DCDC1: variants seen among roughly 807,000 people sequenced by gnomAD.
DCDC1 encodes doublecortin domain containing 1, also known as doublecortin domain-containing protein 1.
A neutral mutation model predicts 178.3 loss-of-function variants in DCDC1; 200 were observed. That is an observed-to-expected ratio of 1.12 (90% CI 1.00 to 1.26). DCDC1 has a LOEUF of 1.26. Ranked by LOEUF, DCDC1 falls within the 50% of genes most tolerant of loss-of-function variation. The probability of loss-of-function intolerance (pLI) is 0.00; values close to 1 mark genes in which losing one functional copy is unlikely to be tolerated. For missense variants in DCDC1, 1,983 were observed against 1,749.2 expected, an observed-to-expected ratio of 1.13 and a Z score of -2.38; for synonymous variants, 690 against 604.8, an observed-to-expected ratio of 1.14 and a Z score of -2.07.
chr11:31,264,813 C>T (rs888319762), intron 8 of DCDC1, among the ~76,000 whole-genome samples: 1 of 152,132 alleles, frequency 6.6e-6, no homozygotes, highest in African/African-American at 2.4e-5. Context: ...CCAACTTGTA[C>T]CAGTTTGCTA....
intron 9 of DCDC1, among the ~76,000 whole-genome samples, chr11:31,160,764 C>T (rs894237942): frequency 2.0e-5 from 3 of 152,138 alleles, no homozygotes; most frequent in South Asian, 2.1e-4. Flanking sequence ...ACAAATATTG[C>T]TGTGAAACAT....
In DCDC1 at chr11:31,058,984, A is replaced by G. The variant is rs545125521; in HGVS notation, c.2591+5485T>C. Among the ~76,000 whole-genome samples the G allele has an allele frequency of 2.6e-5, 4 of 152,236 alleles. No homozygotes were observed. In the East Asian group the frequency reaches 7.7e-4, roughly 29 times the overall value. ...GGGGGCTGCAAGTTTGAAGAAGGTA[A>G]GAGTAGAGCATCGCATTCATGCCTT... On this transcript the variant is annotated intron_variant, in intron 20 of 38. Transcript: ENST00000684477.
intron 8 of DCDC1, among the ~76,000 whole-genome samples, chr11:31,258,919 G>A (rs760333642): frequency 3.3e-5 from 5 of 152,114 alleles, no homozygotes; most frequent in Non-Finnish European, 7.4e-5. Context: ...TAAAAGCACT[G>A]ACTCAGAAAA....
chr11:31,298,252 C>T (rs1480851513), intron 6 of DCDC1, among the ~76,000 whole-genome samples: 1 of 152,148 alleles, frequency 6.6e-6, no homozygotes, highest in African/African-American at 2.4e-5. Flanking sequence ...CTCTGCCCTC[C>T]ACAACCAACT....
At chr11:31,133,190 A>G (rs892445717) in intron 10 of DCDC1, among the ~76,000 whole-genome samples, 7 of 152,202 alleles carry the variant, frequency 4.6e-5, no homozygotes, top group Non-Finnish European at 8.8e-5. Context: ...TGGTTTTTCT[A>G]GTGATGAGTT....
intron 29 of DCDC1, 114 bp downstream of exon 29, chr11:30,908,832 G>T: frequency 3.6e-6 from 3 of 829,790 alleles, no homozygotes; most frequent in Non-Finnish European, 3.4e-6. Context: ...TCAAAAATCA[G>T]CATTCAACTT....
At position 31,250,883 on chromosome 11, in the gene DCDC1, T is replaced by C. The variant is rs527500491; in HGVS notation, c.1055-9267A>G. Among the ~76,000 whole-genome samples, 18 of 152,004 alleles carry C rather than the reference T, an allele frequency of 1.2e-4. No individual in the cohort carries two copies. In the South Asian group the frequency reaches 3.1e-3, roughly 26 times the overall value. ...GATTCTCCTGCCTCAGCCTCCCAAG[T>C]AGCTGGGATTACAGGTGCGTGTCAC... On this transcript the variant is annotated intron_variant, in intron 8 of 38. Transcript: ENST00000684477.
At chr11:31,188,920 C>A (rs752692083) in intron 9 of DCDC1, among the ~76,000 whole-genome samples, 10 of 152,076 alleles carry the variant, frequency 6.6e-5, no homozygotes, top group Non-Finnish European at 1.5e-4. Flanking sequence ...GAGGGCTTTA[C>A]CCTCATGAAT....
intron 24 of DCDC1, 150 bp from the exon 25 acceptor site, chr11:30,921,085 T>C (rs1404149434): frequency 1.3e-6 from 1 of 794,778 alleles, no homozygotes. Flanking sequence ...TGAATTTAAT[T>C]TTAATTTTTA....
intron 8 of DCDC1, among the ~76,000 whole-genome samples, chr11:31,248,710 G>A (rs535596352): frequency 1.1e-4 from 16 of 151,964 alleles, no homozygotes; most frequent in Non-Finnish European, 1.9e-4. Flanking sequence ...AGCCCTAATC[G>A]TTTCAGCAAT....
chr11:31,096,258 G>C (rs1958145111), intron 15 of DCDC1, among the ~76,000 whole-genome samples: 1 of 152,142 alleles, frequency 6.6e-6, no homozygotes, highest in Non-Finnish European at 1.5e-5. Context: ...CTGGATTCTG[G>C]AGGGGAATCC....
At chr11:30,886,817 G>GA (rs1396512720) in intron 36 of DCDC1, among the ~76,000 whole-genome samples, 1 of 151,806 alleles carries the variant, frequency 6.6e-6, no homozygotes, top group African/African-American at 2.4e-5. Flanking sequence ...TCTGGAGTGG[G>GA]AAAAATGAGG....
At chr11:31,201,997 C>G (rs1268228243) in intron 9 of DCDC1, among the ~76,000 whole-genome samples, 1 of 152,032 alleles carries the variant, frequency 6.6e-6, no homozygotes, top group African/African-American at 2.4e-5. Context: ...TTAAAAAGAT[C>G]AATTTTAGAT....
At chr11:31,206,864 T>C (rs889087054) in intron 9 of DCDC1, among the ~76,000 whole-genome samples, 3 of 152,210 alleles carry the variant, frequency 2.0e-5, no homozygotes, top group African/African-American at 7.2e-5. Flanking sequence ...ACAATCAGTT[T>C]AGCAATACTT....
chr11:30,959,587 A>G (rs1948970958), intron 20 of DCDC1, among the ~76,000 whole-genome samples: 1 of 152,038 alleles, frequency 6.6e-6, no homozygotes. Context: ...CACTTCTTGG[A>G]GCTGACCAGT....
In DCDC1 at chr11:30,878,622, AT is replaced by A; in HGVS notation, c.5322del (p.Ser1775ProfsTer60). 1.9e-6 allele frequency: 3 copies of A among 1,610,354 alleles called. No individual in the cohort carries two copies. The highest frequency in any genetic ancestry group is 2.5e-6 in the Non-Finnish European group (3 of 1,178,460). On this transcript the variant is annotated frameshift_variant, in exon 38 of 39. Coordinates refer to ENST00000684477, the MANE Select transcript of DCDC1 (RefSeq NM_001387274.1). LOFTEE classifies it high-confidence loss of function. The part of the protein sequence containing the change: ...GPQATDIVVS[P>X]STKLLSLAHL... ...TGTGCCAGAGACAGCAGCTTCGTGG[AT>A]GGTGACACCACAATGTCTGTGGCTT...
intron 20 of DCDC1, among the ~76,000 whole-genome samples, chr11:31,019,620 CTGGTAT>C (rs1952734661): frequency 1.3e-5 from 2 of 152,110 alleles, no homozygotes; most frequent in Admixed American, 1.3e-4. Context: ...AATAGCATAA[CTGGTAT>C]GATCTTTTAA....
chr11:31,189,458 C>T (rs1417697617), intron 9 of DCDC1, among the ~76,000 whole-genome samples: 2 of 152,174 alleles, frequency 1.3e-5, no homozygotes, highest in African/African-American at 4.8e-5. Context: ...GAAACATCCA[C>T]TATATTAGTC....
chr11:31,298,465 A>G (rs1947862311), intron 6 of DCDC1, among the ~76,000 whole-genome samples: 1 of 152,096 alleles, frequency 6.6e-6, no homozygotes, highest in Non-Finnish European at 1.5e-5. Flanking sequence ...GTTTAGCATA[A>G]CCTTGGAAAA....
Sources: allele counts gnomAD v4.1 joint callset (sites outside exome capture counted in the v4.1 genomes callset), GRCh38; gene constraint gnomAD v4.1.1; transcripts MANE v1.5; gene names NCBI Gene and HGNC (gene_info 2026-07-23, HGNC 2026-07-21).